Variants in CLEC4F observed in about 807,000 individuals in gnomAD.
CLEC4F encodes C-type lectin domain family 4 member F.
CLEC4F carries 45 observed loss-of-function variants against 53.4 expected under a neutral mutation model. That is an observed-to-expected ratio of 0.84 (90% CI 0.66 to 1.08). The LOEUF is 1.08. CLEC4F is among the 50% of genes least tolerant of loss of function. The probability of loss-of-function intolerance (pLI) is 0.00; values close to 1 mark genes in which losing one functional copy is unlikely to be tolerated. For missense variants in CLEC4F, 753 were observed against 698.2 expected (o/e 1.08, Z -0.88); for synonymous variants, 245 against 257.5 (o/e 0.95, Z 0.46).
intron 3 of CLEC4F, among the ~76,000 whole-genome samples, chr2:70,818,595 T>C (rs376483215): frequency 9.9e-5 from 15 of 151,888 alleles, no homozygotes; most frequent in East Asian, 5.8e-4. Flanking sequence ...CCTGTAGTCC[T>C]AGCTACTCCA....
In CLEC4F at chr2:70,808,802, C is replaced by T. The variant is rs1676364601; in HGVS notation, c.*469G>A. 2.2e-6 allele frequency: 1 copy of T among 464,292 alleles called. No individual in the cohort carries two copies. Among genetic ancestry groups the T allele is most frequent in the Non-Finnish European group, 4.0e-6 (1 of 253,022 alleles). 28.8% of individuals were successfully genotyped at this position (464,292 alleles called of 1,614,324 possible). A position where few individuals can be genotyped will look rare whatever the true frequency, so the allele number is the denominator to read the frequency against. ...TGTTTGAAAGGGCTGAATCAAAGAA[C>T]AAGGCAGGAAGTCCACAAGGCCAAC... On this transcript the variant is annotated 3_prime_UTR_variant, in exon 7 of 7. Coordinates refer to ENST00000272367, the MANE Select transcript of CLEC4F (RefSeq NM_173535.3).
intron 3 of CLEC4F, among the ~76,000 whole-genome samples, chr2:70,818,396 T>C (rs1443389122): frequency 2.0e-5 from 3 of 152,138 alleles, no homozygotes; most frequent in African/African-American, 7.2e-5. Flanking sequence ...TTAACTCAAA[T>C]GAGGCAGAGA....
At chr2:70,819,719 G>A in intron 2 of CLEC4F, 56 bp downstream of exon 2, 1 of 1,310,952 alleles carries the variant, frequency 7.6e-7, no homozygotes, top group East Asian at 2.3e-5. Context: ...GGCCCCTGGG[G>A]ACTTTGTGCT....
chr2:70,820,747 T>G, upstream of CLEC4F: 1 of 505,630 alleles, frequency 2.0e-6, no homozygotes, highest in Non-Finnish European at 3.5e-6. Flanking sequence ...TTTCTTCCTC[T>G]TCCCATTAGC....
intron 4 of CLEC4F, among the ~76,000 whole-genome samples, chr2:70,813,054 C>T (rs904165323): frequency 6.6e-6 from 1 of 152,216 alleles, no homozygotes. Context: ...GCCTGGCCTT[C>T]CATTTTTCAA....
At chr2:70,819,217 T>A (rs1574383033) in intron 3 of CLEC4F, 138 bp downstream of exon 3, 12 of 672,512 alleles carry the variant, frequency 1.8e-5, no homozygotes, top group Non-Finnish European at 7.9e-6. Flanking sequence ...ACTGTGTTTT[T>A]AAAAAATTAT....
intron 5 of CLEC4F, chr2:70,811,475 AG>A: frequency 1.8e-6 from 1 of 542,154 alleles, no homozygotes. Context: ...CCATGACCAT[AG>A]TGCCAGCACC....
Position 70,808,954 on chromosome 2 carries a change from T to C in CLEC4F, c.*317A>G, listed in dbSNP as rs374645812. 11 of 940,076 alleles carry C rather than the reference T, an allele frequency of 1.2e-5. No individual in the cohort carries two copies. The East Asian group carries it at 2.6e-4, about 23-fold the overall frequency. 58.2% of individuals were successfully genotyped at this position (940,076 alleles called of 1,614,324 possible). A position where few individuals can be genotyped will look rare whatever the true frequency, so the allele number is the denominator to read the frequency against. ...TCAGGCCACACCCTGGCCCATGGGC[T>C]TCTTGCACACCCACTGATAGGGGGT... On this transcript the variant is annotated 3_prime_UTR_variant, in exon 7 of 7. Coordinates refer to ENST00000272367, the MANE Select transcript of CLEC4F (RefSeq NM_173535.3).
intron 1 of CLEC4F, 132 bp from the exon 2 acceptor site, chr2:70,820,023 C>T (rs1301678667): frequency 3.4e-6 from 2 of 589,586 alleles, no homozygotes; most frequent in African/African-American, 3.8e-5. Flanking sequence ...TCCTGCCATG[C>T]TTATCATGCA....
chr2:70,824,109 A>G (rs1401105762), upstream of CLEC4F, among the ~76,000 whole-genome samples: 1 of 151,180 alleles, frequency 6.6e-6, no homozygotes, highest in Admixed American at 6.6e-5. Flanking sequence ...GAGCCAGGAG[A>G]GGGAGAGAGG....
chr2:70,815,539 G>T lies in CLEC4F; in HGVS notation c.1387+455C>A, dbSNP rs530318012. On this transcript the variant is annotated intron_variant, in intron 4 of 6. Coordinates refer to ENST00000272367, the MANE Select transcript of CLEC4F (RefSeq NM_173535.3). The stretch of plus-strand genomic sequence containing the variant: ...GGCCTCAATAAAGCATCGGGTGAGG[G>T]CATGAATGCTAGGTACTTTGTTAAA... 5.9e-5 allele frequency among the ~76,000 whole-genome samples: 9 copies of T among 152,290 alleles called. No homozygotes were observed. In the South Asian group the frequency reaches 1.7e-3, roughly 28 times the overall value.
chr2:70,809,180 T>C lies in CLEC4F; in HGVS notation c.*91A>G. On this transcript the variant is annotated 3_prime_UTR_variant, in exon 7 of 7. Coordinates refer to ENST00000272367, the MANE Select transcript of CLEC4F (RefSeq NM_173535.3). ...CATGGGATGAGTCTAGGGAGCTGAC[T>C]TGAGATGGGTCCTTCATCCCCTAGT... The C allele has an allele frequency of 6.4e-7, 1 of 1,562,228 alleles. No homozygotes were observed. Among genetic ancestry groups the C allele is most frequent in the South Asian group, 1.2e-5 (1 of 84,968 alleles).
chr2:70,809,417 C>A, intron 6 of CLEC4F, 35 bp from the exon 7 acceptor site: 1 of 1,564,096 alleles, frequency 6.4e-7, no homozygotes. Flanking sequence ...CAGAAAGACC[C>A]ACTCACTGGC....
rs1676919781 is a variant in CLEC4F at position 70,816,470 on chromosome 2, G to A, written c.911C>T (p.Ala304Val). 6.2e-7 allele frequency: 1 copy of A among 1,613,872 alleles called. No homozygotes were observed. Among genetic ancestry groups the A allele is most frequent in the African/African-American group, 1.3e-5 (1 of 74,844 alleles). The change falls in exon 4 of 7, where the codon GCC becomes GTC. Residue 304 changes from alanine to valine, a missense_variant. By Grantham distance (64) the Ala-to-Val change is moderately conservative. Transcript: ENST00000272367. The stretch of plus-strand genomic sequence containing the variant: ...GTTGTCAAAACTGCTTTTTATAAAG[G>A]CCTGGGTCTGGGAGTTTAAAGCATT... ...NTNALNSQTQ[A>V]FIKSSFDNTS...
intron 1 of CLEC4F, 76 bp from the exon 2 acceptor site, chr2:70,819,967 A>G: frequency 1.1e-6 from 1 of 934,654 alleles, no homozygotes; most frequent in Non-Finnish European, 1.6e-6. Context: ...GCTGAGACAC[A>G]GCCTCTCTGA....
intron 3 of CLEC4F, among the ~76,000 whole-genome samples, chr2:70,818,128 C>A (rs1452309779): frequency 6.6e-6 from 1 of 152,138 alleles, no homozygotes; most frequent in Non-Finnish European, 1.5e-5. Context: ...CATGCACTGC[C>A]TATGTAGATG....
At chr2:70,817,163 A>T in intron 3 of CLEC4F, 51 bp from the exon 4 acceptor site, 2 of 1,551,458 alleles carry the variant, frequency 1.3e-6, no homozygotes, top group Non-Finnish European at 8.7e-7. Context: ...TATGTAGGGT[A>T]GCATTTTATG....
In CLEC4F at chr2:70,809,774, T is replaced by C. The variant is rs1553393725; in HGVS notation, c.1623A>G (p.Thr541=). 1 of 1,614,164 alleles carries C rather than the reference T, an allele frequency of 6.2e-7. No individual in the cohort carries two copies. The change falls in exon 6 of 7, where the codon ACA becomes ACG. Residue 541 remains threonine, a synonymous_variant. Coordinates refer to ENST00000272367, the MANE Select transcript of CLEC4F (RefSeq NM_173535.3). ...DRGTEGSWRW[T]DGTPFNAAQN... ...GGGCGGCGTTGAATGGTGTCCCATC[T>C]GTCCAGCGCCAGGAGCCCTCTGTGC...
chr2:70,821,189 CT>C (rs1309888061), upstream of CLEC4F, among the ~76,000 whole-genome samples: 3 of 152,172 alleles, frequency 2.0e-5, no homozygotes, highest in Non-Finnish European at 2.9e-5. Flanking sequence ...AAAAATATAT[CT>C]GGTCTTCATC....
Sources: allele counts gnomAD v4.1 joint callset (sites outside exome capture counted in the v4.1 genomes callset), GRCh38; gene constraint gnomAD v4.1.1; transcripts MANE v1.5; gene names NCBI Gene and HGNC (gene_info 2026-07-23, HGNC 2026-07-21).